The following SUPT3H variants were observed in gnomAD, a reference collection of about 807,000 sequenced individuals.
The protein encoded by SUPT3H is transcription initiation protein SPT3 homolog.
SUPT3H carries 44 observed loss-of-function variants against 44.3 expected under a neutral mutation model. The observed-to-expected ratio is 0.99, with a 90% CI of 0.78 to 1.28. The LOEUF is 1.28. SUPT3H is among the 50% of genes most tolerant of loss of function. The pLI is 0.00. For synonymous variants in SUPT3H, 124 were observed against 125.6 expected (o/e 0.99, Z 0.09); for missense variants, 380 against 387.1 (o/e 0.98, Z 0.15).
chr6:45,349,701 T>A (rs554370925), intron 2 of SUPT3H, among the ~76,000 whole-genome samples: 3 of 152,248 alleles, frequency 2.0e-5, no homozygotes, highest in Admixed American at 6.5e-5. Context: ...ATTTCATCAT[T>A]AAAATTATAT....
At position 44,932,893 on chromosome 6, in the gene SUPT3H, T is replaced by TC. The variant is rs1562075250; in HGVS notation, c.802-131_802-130insG. ...CTTAGGATGCACATCACTACTGCCA[T>TC]ATACTACATCTAAAAAAGAATTCCA... On this transcript the variant is annotated intron_variant, in intron 9 of 10. Coordinates refer to ENST00000371459, the MANE Select transcript of SUPT3H (RefSeq NM_003599.4). The TC allele has an allele frequency of 2.1e-5, 10 of 477,482 alleles. No homozygotes were observed. In the East Asian group the frequency reaches 3.5e-4, roughly 17 times the overall value. The allele number at this position is 477,482 out of a possible 1,614,324, so 29.6% of individuals were successfully genotyped here.
intron 11 of SUPT3H, among the ~76,000 whole-genome samples, chr6:44,816,798 A>G (rs1489039273): frequency 6.6e-6 from 1 of 152,224 alleles, no homozygotes; most frequent in Non-Finnish European, 1.5e-5. Flanking sequence ...TCAGGCCTAT[A>G]ATCCCAGTAC....
chr6:45,003,248 A>G (rs1170178311), intron 6 of SUPT3H, among the ~76,000 whole-genome samples: 1 of 152,192 alleles, frequency 6.6e-6, no homozygotes, highest in Admixed American at 6.6e-5. Flanking sequence ...AACTATAGCC[A>G]GAAGAATAGC....
intron 2 of SUPT3H, among the ~76,000 whole-genome samples, chr6:45,124,052 C>T (rs1283204607): frequency 6.6e-6 from 1 of 152,162 alleles, no homozygotes; most frequent in African/African-American, 2.4e-5. Context: ...TATAATCAAA[C>T]ACCAGTATCA....
intron 10 of SUPT3H, among the ~76,000 whole-genome samples, chr6:44,927,971 A>ACTT (rs1458417028): frequency 6.6e-6 from 1 of 152,154 alleles, no homozygotes; most frequent in African/African-American, 2.4e-5. Context: ...AGCTACTACT[A>ACTT]CTTCCACTAT....
At chr6:44,879,876 G>C (rs1251938175) in intron 10 of SUPT3H, among the ~76,000 whole-genome samples, 1 of 152,156 alleles carries the variant, frequency 6.6e-6, no homozygotes, top group Non-Finnish European at 1.5e-5. Context: ...CAAAGGAATA[G>C]CATCAACATC....
chr6:44,958,404 T>C (rs554389493), intron 7 of SUPT3H, among the ~76,000 whole-genome samples: 5 of 152,324 alleles, frequency 3.3e-5, no homozygotes, highest in African/African-American at 1.2e-4. Flanking sequence ...TAGGGTCCTC[T>C]GGAATGCTCA....
intron 2 of SUPT3H, among the ~76,000 whole-genome samples, chr6:45,319,312 C>G (rs1362013241): frequency 6.6e-6 from 1 of 152,152 alleles, no homozygotes; most frequent in African/African-American, 2.4e-5. Flanking sequence ...TGAGGGCAAA[C>G]AGGCAATCAC....
intron 10 of SUPT3H, among the ~76,000 whole-genome samples, chr6:44,893,864 C>T (rs2153443630): frequency 7.1e-6 from 1 of 140,994 alleles, no homozygotes; most frequent in Non-Finnish European, 1.6e-5. Context: ...CCTATTTCTC[C>T]ACATCCTCTC....
chr6:44,989,296 A>G (rs1780275871), intron 6 of SUPT3H, among the ~76,000 whole-genome samples: 1 of 152,124 alleles, frequency 6.6e-6, no homozygotes, highest in South Asian at 2.1e-4. Context: ...TCATTCATGT[A>G]GTCACAAATG....
intron 2 of SUPT3H, among the ~76,000 whole-genome samples, chr6:45,121,178 A>C (rs1801605937): frequency 6.6e-6 from 1 of 152,180 alleles, no homozygotes; most frequent in Admixed American, 6.5e-5. Flanking sequence ...ACTCTCCACA[A>C]CCAGGATCTC....
chr6:45,016,551 T>A (rs533102522), intron 4 of SUPT3H, among the ~76,000 whole-genome samples: 2 of 138,346 alleles, frequency 1.4e-5, no homozygotes, highest in African/African-American at 5.4e-5. Flanking sequence ...TGTCCATGTG[T>A]TCTCATTGTT....
intron 3 of SUPT3H, among the ~76,000 whole-genome samples, chr6:45,041,169 A>G (rs1788475443): frequency 6.6e-6 from 1 of 152,148 alleles, no homozygotes; most frequent in African/African-American, 2.4e-5. Context: ...GTTAGGGAAT[A>G]AATAAATAAA....
intron 10 of SUPT3H, among the ~76,000 whole-genome samples, 184 bp downstream of exon 10, chr6:44,932,469 G>C (rs1770733408): frequency 6.6e-6 from 1 of 152,100 alleles, no homozygotes; most frequent in Non-Finnish European, 1.5e-5. Context: ...GAAAAAAAGT[G>C]TCCTTCCAAA....
intron 2 of SUPT3H, among the ~76,000 whole-genome samples, chr6:45,181,005 C>T (rs936276797): frequency 2.0e-5 from 3 of 151,112 alleles, no homozygotes; most frequent in Non-Finnish European, 3.0e-5. Flanking sequence ...CTACAATGAA[C>T]TCAAACAAAT....
intron 9 of SUPT3H, among the ~76,000 whole-genome samples, chr6:44,944,952 T>G (rs965440631): frequency 2.0e-4 from 31 of 151,980 alleles, no homozygotes; most frequent in Admixed American, 1.3e-4. Context: ...ATGTTGTAAG[T>G]TTTGCAAATT....
In SUPT3H at chr6:45,295,548, A is replaced by AAC. The variant is rs1554330141; in HGVS notation, c.101+69652_101+69653insGT. Among the ~76,000 whole-genome samples the AAC allele has an allele frequency of 8.5e-3, 767 of 90,288 alleles. 87 individuals are homozygous for AAC. Among genetic ancestry groups the AAC allele is most frequent in the African/African-American group, 0.023 (533 of 23,604 alleles). 59.2% of individuals were successfully genotyped at this position (90,288 alleles called of 152,430 possible). On this transcript the variant is annotated intron_variant, in intron 2 of 10. Transcript: ENST00000371459. ...GCAAAAAAAAAAAAAAAAAAAAAAA[A>AAC]AAAAAACAGCAGAGTCAACAGACAA...
intron 6 of SUPT3H, among the ~76,000 whole-genome samples, chr6:44,974,325 G>C (rs547353175): frequency 7.5e-6 from 1 of 134,010 alleles, no homozygotes; most frequent in East Asian, 1.9e-4. Context: ...AATTGTGTGT[G>C]TTTGTGTTTG....
chr6:45,220,528 C>T (rs1765858875), intron 2 of SUPT3H, among the ~76,000 whole-genome samples: 1 of 152,160 alleles, frequency 6.6e-6, no homozygotes, highest in Non-Finnish European at 1.5e-5. Context: ...AAGATATCCA[C>T]TCTCCCCACT....
Sources: gnomAD v4.1 joint callset for allele counts (sites outside exome capture counted in the v4.1 genomes callset) on GRCh38, gnomAD v4.1.1 for gene constraint, MANE v1.5 for transcripts, NCBI Gene and HGNC (gene_info 2026-07-23, HGNC 2026-07-21) for gene names.